Variants in CPA6 observed in about 807,000 individuals in gnomAD.
CPA6 encodes the protein carboxypeptidase B.
A neutral mutation model predicts 63.3 loss-of-function variants in CPA6; 58 were observed. The ratio of observed to expected loss-of-function variants is 0.92; its 90% CI spans 0.74 to 1.14. CPA6 has a LOEUF of 1.14. Among genes scored for constraint, CPA6 ranks in the 50% most tolerant of loss-of-function variants. The probability of loss-of-function intolerance (pLI) is 0.00; values close to 1 mark genes in which losing one functional copy is unlikely to be tolerated. For missense variants in CPA6, 565 were observed against 526.6 expected (o/e 1.07, Z -0.71); for synonymous variants, 185 against 179.0 (o/e 1.03, Z -0.27).
At chr8:67,617,205 G>A (rs143316275) in intron 2 of CPA6, among the ~76,000 whole-genome samples, 31 of 151,572 alleles carry the variant, frequency 2.0e-4, no homozygotes, top group Admixed American at 3.9e-4. Context: ...CATGGTAGAG[G>A]GTTTTTTCCT....
intron 2 of CPA6, among the ~76,000 whole-genome samples, chr8:67,529,899 G>A (rs1405974822): frequency 6.6e-6 from 1 of 152,046 alleles, no homozygotes; most frequent in Non-Finnish European, 1.5e-5. Context: ...TACTATGAAT[G>A]GGCAGTCAAG....
At chr8:67,577,862 C>T (rs752501687) in intron 2 of CPA6, among the ~76,000 whole-genome samples, 3 of 152,148 alleles carry the variant, frequency 2.0e-5, no homozygotes, top group Non-Finnish European at 4.4e-5. Flanking sequence ...AATTTCGAGT[C>T]ATGTGGGATA....
chr8:67,608,079 G>A (rs1381357854), intron 2 of CPA6, among the ~76,000 whole-genome samples: 3 of 152,168 alleles, frequency 2.0e-5, no homozygotes, highest in African/African-American at 7.2e-5. Context: ...AGGAAGGAAG[G>A]AATGGAGGAA....
intron 4 of CPA6, 116 bp from the exon 5 acceptor site, chr8:67,509,734 A>T: frequency 2.0e-6 from 1 of 509,914 alleles, no homozygotes; most frequent in East Asian, 3.2e-5. Flanking sequence ...GTGCACATGG[A>T]ATATAAAATT....
At chr8:67,617,124 G>A (rs1464805059) in intron 2 of CPA6, among the ~76,000 whole-genome samples, 1 of 152,180 alleles carries the variant, frequency 6.6e-6, no homozygotes, top group African/African-American at 2.4e-5. Context: ...TACTGCATAA[G>A]CCGAAGGTCA....
intron 3 of CPA6, among the ~76,000 whole-genome samples, chr8:67,512,771 G>A (rs1346364010): frequency 1.3e-5 from 2 of 152,122 alleles, no homozygotes; most frequent in African/African-American, 4.8e-5. Context: ...TTGTTTAATG[G>A]TTTAAGTGCT....
chr8:67,455,380 G>T (rs750620764), intron 8 of CPA6, among the ~76,000 whole-genome samples: 1 of 151,942 alleles, frequency 6.6e-6, no homozygotes. Flanking sequence ...ACAGTAGTTT[G>T]TTACATGTTA....
At chr8:67,548,820 T>C (rs1370264141) in intron 2 of CPA6, among the ~76,000 whole-genome samples, 1 of 152,198 alleles carries the variant, frequency 6.6e-6, no homozygotes, top group Non-Finnish European at 1.5e-5. Context: ...TTAGCATCTC[T>C]GTGCAGAAAC....
intron 2 of CPA6, among the ~76,000 whole-genome samples, chr8:67,521,449 C>A (rs902996179): frequency 6.6e-6 from 1 of 152,170 alleles, no homozygotes; most frequent in African/African-American, 2.4e-5. Flanking sequence ...ACATACCCAG[C>A]AGGCTTTCTT....
chr8:67,676,755 A>G (rs1049835360), intron 1 of CPA6, among the ~76,000 whole-genome samples: 1 of 152,240 alleles, frequency 6.6e-6, no homozygotes, highest in Non-Finnish European at 1.5e-5. Flanking sequence ...GAAAAGTTAT[A>G]GTATATTATA....
intron 8 of CPA6, among the ~76,000 whole-genome samples, chr8:67,475,803 TTCTTTCTTTCTTTCCTTTCTTTTCTTTC>T: frequency 1.7e-5 from 1 of 59,230 alleles, no homozygotes; most frequent in African/African-American, 1.1e-4. Flanking sequence ...CTTTCTTTCT[TTCTTTCTTTCTTTCCTTTCTTTTCTTTC>T]TTTCTTTCTT....
intron 1 of CPA6, among the ~76,000 whole-genome samples, chr8:67,656,123 T>G (rs567576865): frequency 1.4e-4 from 21 of 152,270 alleles, no homozygotes; most frequent in African/African-American, 5.1e-4. Flanking sequence ...TTTTTGTTTT[T>G]GCCTCCTTTG....
intron 1 of CPA6, among the ~76,000 whole-genome samples, chr8:67,672,409 A>G (rs1341889916): frequency 2.6e-5 from 4 of 151,702 alleles, no homozygotes; most frequent in African/African-American, 9.7e-5. Flanking sequence ...TCCTCTTCCC[A>G]TTTTTTCCCC....
intron 6 of CPA6, among the ~76,000 whole-genome samples, chr8:67,506,190 G>A (rs1811923092): frequency 6.6e-6 from 1 of 152,206 alleles, no homozygotes; most frequent in Admixed American, 6.5e-5. Context: ...TAGCTCAGAG[G>A]GCTTGTGACT....
intron 1 of CPA6, among the ~76,000 whole-genome samples, chr8:67,640,211 C>T (rs1725594568): frequency 2.6e-5 from 4 of 151,228 alleles, no homozygotes; most frequent in Admixed American, 2.6e-4. Context: ...GGAGGTGGGG[C>T]TTCACCAGGG....
At chr8:67,732,318 T>C (rs1563412476) in intron 1 of CPA6, among the ~76,000 whole-genome samples, 1 of 152,186 alleles carries the variant, frequency 6.6e-6, no homozygotes, top group South Asian at 2.1e-4. Flanking sequence ...AAATTTAGTG[T>C]GATAAAACTG....
intron 6 of CPA6, among the ~76,000 whole-genome samples, chr8:67,503,215 T>C (rs1048852205): frequency 6.6e-6 from 1 of 151,956 alleles, no homozygotes; most frequent in Non-Finnish European, 1.5e-5. Context: ...ATTTTTGTAA[T>C]TTTAGTAGAG....
intron 2 of CPA6, among the ~76,000 whole-genome samples, chr8:67,568,345 G>A (rs1278868465): frequency 6.6e-6 from 1 of 151,944 alleles, no homozygotes; most frequent in Non-Finnish European, 1.5e-5. Flanking sequence ...TGAAATGACA[G>A]AAAAAATGGA....
At chr8:67,616,351 C>A (rs555268858) in intron 2 of CPA6, among the ~76,000 whole-genome samples, 4 of 152,132 alleles carry the variant, frequency 2.6e-5, no homozygotes, top group Admixed American at 2.6e-4. Flanking sequence ...AAATAGGAAC[C>A]ATGTGTGAGG....
Sources: allele counts gnomAD v4.1 joint callset (sites outside exome capture counted in the v4.1 genomes callset), GRCh38; gene constraint gnomAD v4.1.1; transcripts MANE v1.5; gene names NCBI Gene and HGNC (gene_info 2026-07-23, HGNC 2026-07-21).